Variants in LARGE1 observed in about 807,000 individuals in gnomAD.
The protein encoded by LARGE1 is xylosyl- and glucuronyltransferase LARGE1.
A neutral mutation model predicts 87.6 loss-of-function variants in LARGE1; 43 were observed. The ratio of observed to expected loss-of-function variants is 0.49; its 90% CI spans 0.38 to 0.63. LARGE1 has a LOEUF of 0.63. LARGE1 is among the 30% of genes least tolerant of loss of function. LARGE1 has a pLI of 0.00. For synonymous variants in LARGE1, 434 were observed against 394.6 expected, an observed-to-expected ratio of 1.10 and a Z score of -1.18; for missense variants, 802 against 1,000.2, an observed-to-expected ratio of 0.80 and a Z score of 2.67.
At chr22:33,551,993 C>CAAA (rs10674621) in intron 6 of LARGE1, among the ~76,000 whole-genome samples, 1,958 of 71,520 alleles carry the variant, frequency 0.027, 85 homozygotes, top group South Asian at 0.053. Flanking sequence ...GGCTCCGTCT[C>CAAA]AAAAAAAAAA....
intron 1 of LARGE1, among the ~76,000 whole-genome samples, chr22:33,898,263 G>A (rs578224028): frequency 6.6e-6 from 1 of 152,202 alleles, no homozygotes; most frequent in East Asian, 1.9e-4. Flanking sequence ...CTTGGTGTGA[G>A]CCTACACGGT....
intron 6 of LARGE1, among the ~76,000 whole-genome samples, chr22:33,503,555 C>T (rs923112881): frequency 6.6e-6 from 1 of 152,084 alleles, no homozygotes; most frequent in Non-Finnish European, 1.5e-5. Flanking sequence ...TAATTAAGCA[C>T]TTTGGGAGGC....
At chr22:33,807,483 G>T (rs2086349146) in intron 1 of LARGE1, among the ~76,000 whole-genome samples, 1 of 152,160 alleles carries the variant, frequency 6.6e-6, no homozygotes, top group South Asian at 2.1e-4. Context: ...TACCCCATCA[G>T]AGTGGTAAGT....
At chr22:33,170,065 C>T (rs989320453) in intron 11 of LARGE1, among the ~76,000 whole-genome samples, 2 of 152,060 alleles carry the variant, frequency 1.3e-5, no homozygotes, top group Non-Finnish European at 2.9e-5. Flanking sequence ...GTGATTAGAT[C>T]ATGAGGGCAG....
At chr22:33,451,168 C>T (rs2067902014) in intron 6 of LARGE1, among the ~76,000 whole-genome samples, 1 of 152,044 alleles carries the variant, frequency 6.6e-6, no homozygotes, top group Admixed American at 6.6e-5. Context: ...AAGACACTGC[C>T]TTTGAATAGT....
At chr22:33,546,374 C>A (rs1027664459) in intron 6 of LARGE1, among the ~76,000 whole-genome samples, 8 of 151,890 alleles carry the variant, frequency 5.3e-5, no homozygotes. Context: ...GTGGAGATCT[C>A]CAGCCAATCA....
the LARGE1 span, among the ~76,000 whole-genome samples, chr22:33,084,071 A>G: frequency 4.4e-4 from 67 of 152,276 alleles, no homozygotes; most frequent in African/African-American, 1.6e-3. Flanking sequence ...CTTCACTCCT[A>G]TAGCCCATTG....
At chr22:33,694,274 T>C (rs184078107) in intron 2 of LARGE1, among the ~76,000 whole-genome samples, 76 of 152,328 alleles carry the variant, frequency 5.0e-4, no homozygotes, top group South Asian at 1.7e-3. Context: ...TTAGCGATGC[T>C]GTCTAAGGGG....
At chr22:33,537,483 C>T (rs563233436) in intron 6 of LARGE1, among the ~76,000 whole-genome samples, 3 of 152,312 alleles carry the variant, frequency 2.0e-5, no homozygotes, top group Non-Finnish European at 4.4e-5. Context: ...TTGGGGGTCA[C>T]CTGTATAGTC....
chr22:33,091,458 G>C, the LARGE1 span, among the ~76,000 whole-genome samples: 1 of 152,074 alleles, frequency 6.6e-6, no homozygotes, highest in African/African-American at 2.4e-5. Context: ...TACTTGGGAG[G>C]CTGAGGCAGG....
downstream of LARGE1, among the ~76,000 whole-genome samples, chr22:33,270,756 C>G (rs920768710): frequency 5.3e-5 from 8 of 152,166 alleles, no homozygotes; most frequent in African/African-American, 1.7e-4. Flanking sequence ...GAAGCCTTAA[C>G]TCAAAGACAG....
chr22:33,133,375 T>C, the LARGE1 span, among the ~76,000 whole-genome samples: 1 of 152,176 alleles, frequency 6.6e-6, no homozygotes, highest in Admixed American at 6.5e-5. Context: ...TTCCCCTCCC[T>C]GTGTCCATGT....
chr22:33,630,900 T>C (rs2080088980), intron 3 of LARGE1, among the ~76,000 whole-genome samples: 1 of 152,046 alleles, frequency 6.6e-6, no homozygotes, highest in Non-Finnish European at 1.5e-5. Context: ...TTGCCCAGGA[T>C]GGAGTGCAGT....
At chr22:33,087,408 G>GA in the LARGE1 span, among the ~76,000 whole-genome samples, 8 of 151,920 alleles carry the variant, frequency 5.3e-5, no homozygotes, top group Admixed American at 5.2e-4. Context: ...TGCTGTGTAG[G>GA]AAAAAAACAT....
chr22:33,566,463 C>T (rs9621721), intron 5 of LARGE1, among the ~76,000 whole-genome samples: 2,304 of 152,302 alleles, frequency 0.015, 56 homozygotes, highest in African/African-American at 0.052. Context: ...AAACTGTGTG[C>T]GGAGCTGGCT....
chr22:33,794,766 C>A (rs1037372128), intron 1 of LARGE1, among the ~76,000 whole-genome samples: 1 of 152,042 alleles, frequency 6.6e-6, no homozygotes, highest in Non-Finnish European at 1.5e-5. Context: ...ATTACAGGTA[C>A]GTGCCACCAC....
chr22:33,860,960 G>C (rs564001196), intron 1 of LARGE1, among the ~76,000 whole-genome samples: 2 of 152,236 alleles, frequency 1.3e-5, no homozygotes, highest in African/African-American at 4.8e-5. Flanking sequence ...CCTCAGCAAG[G>C]TCCTTGGAGT....
chr22:33,755,090 G>A (rs1376920303), intron 2 of LARGE1, among the ~76,000 whole-genome samples: 4 of 152,202 alleles, frequency 2.6e-5, no homozygotes, highest in Non-Finnish European at 4.4e-5. Context: ...CTCACTGCCA[G>A]TCTTCAAAAT....
intron 6 of LARGE1, among the ~76,000 whole-genome samples, chr22:33,529,771 T>C (rs1193950815): frequency 6.6e-6 from 1 of 152,176 alleles, no homozygotes; most frequent in Non-Finnish European, 1.5e-5. Flanking sequence ...AAACCCAAAT[T>C]TGACAACTGA....
Sources: gnomAD v4.1 joint callset for allele counts (sites outside exome capture counted in the v4.1 genomes callset) on GRCh38, gnomAD v4.1.1 for gene constraint, MANE v1.5 for transcripts, NCBI Gene and HGNC (gene_info 2026-07-23, HGNC 2026-07-21) for gene names.